Variants in PIGL observed in about 807,000 individuals in gnomAD.
The protein encoded by PIGL is N-acetylglucosaminyl-phosphatidylinositol de-N-acetylase.
Under a neutral mutation model 31.1 loss-of-function variants are expected in PIGL, and 22 were observed. The observed-to-expected ratio is 0.71, with a 90% CI of 0.51 to 1.01. PIGL has a LOEUF of 1.01. Among genes scored for constraint, PIGL ranks in the 50% least tolerant of loss-of-function variants. The pLI, the probability that PIGL is intolerant of heterozygous loss-of-function variation, is 0.00. For missense variants in PIGL, 302 were observed against 315.9 expected, an observed-to-expected ratio of 0.96 and a Z score of 0.33; for synonymous variants, 131 against 117.4, an observed-to-expected ratio of 1.12 and a Z score of -0.75.
intron 2 of PIGL, among the ~76,000 whole-genome samples, chr17:16,266,912 G>T (rs1019386293): frequency 1.4e-5 from 2 of 148,132 alleles, no homozygotes; most frequent in Admixed American, 6.7e-5. Context: ...TTTTTGGGGG[G>T]GGGGGGGTTG....
intron 5 of PIGL, chr17:16,317,167 G>A (rs991143464): frequency 2.0e-6 from 2 of 1,015,232 alleles, no homozygotes; most frequent in African/African-American, 3.4e-5. Flanking sequence ...CTCTGGACCA[G>A]TTTCTGGTCT....
intron 2 of PIGL, among the ~76,000 whole-genome samples, chr17:16,254,059 C>T (rs905791643): frequency 6.6e-6 from 1 of 152,136 alleles, no homozygotes; most frequent in African/African-American, 2.4e-5. Flanking sequence ...GCATCCACAC[C>T]TTTGCATGTG....
intron 3 of PIGL, among the ~76,000 whole-genome samples, chr17:16,301,163 C>T (rs941804386): frequency 6.6e-6 from 1 of 151,164 alleles, no homozygotes; most frequent in Admixed American, 6.6e-5. Flanking sequence ...TTTTTTAAGA[C>T]ACAGGTTCTC....
At chr17:16,260,797 A>C (rs2142748772) in intron 2 of PIGL, among the ~76,000 whole-genome samples, 1 of 152,090 alleles carries the variant, frequency 6.6e-6, no homozygotes, top group East Asian at 1.9e-4. Flanking sequence ...GGGAACAAAA[A>C]CTCAGGACCT....
intron 2 of PIGL, among the ~76,000 whole-genome samples, chr17:16,254,886 G>A (rs2092787614): frequency 6.6e-6 from 1 of 152,222 alleles, no homozygotes; most frequent in East Asian, 1.9e-4. Context: ...ACAGGCTTGA[G>A]CCACCATGCC....
intron 6 of PIGL, among the ~76,000 whole-genome samples, chr17:16,318,776 C>T (rs926759524): frequency 2.0e-5 from 3 of 151,550 alleles, no homozygotes; most frequent in African/African-American, 7.3e-5. Context: ...ACTAAAGCTA[C>T]AAAAATTAGC....
chr17:16,257,188 A>T (rs1190143429), intron 2 of PIGL, among the ~76,000 whole-genome samples: 2 of 152,124 alleles, frequency 1.3e-5, no homozygotes, highest in African/African-American at 2.4e-5. Context: ...AGACTGAGGC[A>T]GGTTGATCAC....
intron 2 of PIGL, among the ~76,000 whole-genome samples, chr17:16,266,388 C>CA (rs60708474): frequency 0.47 from 33,947 of 71,676 alleles, 7,756 homozygotes; most frequent in Non-Finnish European, 0.54. Context: ...GACTCCATCT[C>CA]AAAAAAAAAA....
chr17:16,235,163 T>C (rs957496894), intron 2 of PIGL, among the ~76,000 whole-genome samples: 4 of 152,184 alleles, frequency 2.6e-5, no homozygotes, highest in African/African-American at 9.7e-5. Flanking sequence ...TATCATTACA[T>C]CTAACAATAT....
At chr17:16,265,979 C>T (rs1032129660) in intron 2 of PIGL, among the ~76,000 whole-genome samples, 2 of 151,946 alleles carry the variant, frequency 1.3e-5, no homozygotes, top group Non-Finnish European at 2.9e-5. Flanking sequence ...GCCCTTTCAC[C>T]CAGAGAGGAC....
intron 3 of PIGL, among the ~76,000 whole-genome samples, chr17:16,308,540 C>T (rs187088600): frequency 6.6e-6 from 1 of 152,196 alleles, no homozygotes; most frequent in African/African-American, 2.4e-5. Context: ...AGCACTTAGT[C>T]CCTGCTCCCA....
chr17:16,275,511 G>A (rs1339420997), intron 2 of PIGL, among the ~76,000 whole-genome samples: 1 of 152,078 alleles, frequency 6.6e-6, no homozygotes, highest in Non-Finnish European at 1.5e-5. Flanking sequence ...GTAGGTCTCT[G>A]CCTTATTTTA....
intron 2 of PIGL, among the ~76,000 whole-genome samples, chr17:16,286,749 A>G (rs1477529023): frequency 2.0e-5 from 3 of 152,076 alleles, no homozygotes; most frequent in Non-Finnish European, 2.9e-5. Context: ...TTGTGTTCTT[A>G]GCTTCCAAAA....
At chr17:16,303,805 C>T (rs890932914) in intron 3 of PIGL, among the ~76,000 whole-genome samples, 56 of 152,086 alleles carry the variant, frequency 3.7e-4, no homozygotes, top group African/African-American at 1.3e-3. Flanking sequence ...AACTCTGCCT[C>T]CCGGGTTCAC....
chr17:16,250,480 C>A (rs186195520), intron 2 of PIGL, among the ~76,000 whole-genome samples: 10 of 152,218 alleles, frequency 6.6e-5, no homozygotes, highest in African/African-American at 2.4e-4. Context: ...AGGGCTTCAA[C>A]CTAACATGAA....
At chr17:16,249,055 T>A (rs1288255419) in intron 2 of PIGL, among the ~76,000 whole-genome samples, 1 of 152,228 alleles carries the variant, frequency 6.6e-6, no homozygotes, top group Non-Finnish European at 1.5e-5. Context: ...TGGATTTATA[T>A]AACCTCAATT....
chr17:16,246,675 T>C (rs1278702090), intron 2 of PIGL, among the ~76,000 whole-genome samples: 1 of 70,788 alleles, frequency 1.4e-5, no homozygotes, highest in African/African-American at 7.2e-5. Flanking sequence ...TCAAGGTCTT[T>C]TTTTTTTTTT....
At chr17:16,235,486 G>A (rs893179509) in intron 2 of PIGL, among the ~76,000 whole-genome samples, 6 of 110,392 alleles carry the variant, frequency 5.4e-5, no homozygotes, top group Admixed American at 4.2e-4. Flanking sequence ...CTCTGTTCCC[G>A]CCCAGCCTGG....
At chr17:16,298,087 A>G (rs2092990179) in intron 2 of PIGL, among the ~76,000 whole-genome samples, 1 of 152,142 alleles carries the variant, frequency 6.6e-6, no homozygotes, top group African/African-American at 2.4e-5. Flanking sequence ...TGGAAAAACT[A>G]TCTTCCATGA....
Sources: allele counts gnomAD v4.1 joint callset (sites outside exome capture counted in the v4.1 genomes callset), GRCh38; gene constraint gnomAD v4.1.1; transcripts MANE v1.5; gene names NCBI Gene and HGNC (gene_info 2026-07-23, HGNC 2026-07-21).